The following CFP variants were observed in gnomAD, a reference collection of about 807,000 sequenced individuals.
The protein encoded by CFP is properdin.
CFP carries 14 observed loss-of-function variants against 42.1 expected under a neutral mutation model. The ratio of observed to expected loss-of-function variants is 0.33; its 90% confidence interval spans 0.22 to 0.52. CFP has a LOEUF of 0.52. CFP is among the 20% of genes least tolerant of loss of function. CFP has a pLI of 0.96. For missense variants in CFP, 318 were observed against 400.4 expected, an observed-to-expected ratio of 0.79 and a Z score of 1.76; for synonymous variants, 149 against 160.6, an observed-to-expected ratio of 0.93 and a Z score of 0.54.
At chrX:47,624,463 G>A (rs1312097831) in intron 8 of CFP, 23 bp from the exon 9 acceptor site, 1 of 1,192,930 alleles carries the variant, frequency 8.4e-7, no homozygotes, top group Non-Finnish European at 1.1e-6. Context: ...GGGTGGGGAG[G>A]AACGGAAGGG....
rs985957286 is a variant in CFP, at chrX:47,629,596, C to G, written c.155G>C (p.Ser52Thr). 1.7e-6 allele frequency: 2 copies of G among 1,168,794 alleles called. No homozygotes were observed. Among genetic ancestry groups the G allele is most frequent in the African/African-American group, 3.6e-5 (2 of 55,597 alleles). ...AGTGTTGAGACAGCAGTCTTCCACG[C>G]TGACACCACCCCCCAGGAGGCCCTT... ...KCKGLLGGGV[S>T]VEDCCLNTAF... Residue 52 changes from serine (S) to threonine (T), a missense_variant, in exon 2 of 9, where the codon AGC (serine) becomes ACC (threonine). Coordinates refer to ENST00000396992, the MANE Select transcript of CFP (RefSeq NM_001145252.3).
At chrX:47,627,064 A>G in intron 5 of CFP, 77 bp downstream of exon 5, 2 of 1,162,865 alleles carry the variant, frequency 1.7e-6, no homozygotes, top group Non-Finnish European at 2.3e-6. Context: ...TGGCCTAGGA[A>G]CTCTAGAAAT....
intron 6 of CFP, 86 bp from the exon 7 acceptor site, chrX:47,626,605 A>G: frequency 9.3e-7 from 1 of 1,072,430 alleles, no homozygotes; most frequent in Non-Finnish European, 1.3e-6. Flanking sequence ...GGTAGGAGGG[A>G]GTAGAGGTGA....
chrX:47,627,058 C>T, intron 5 of CFP, 83 bp downstream of exon 5: 1 of 1,155,754 alleles, frequency 8.7e-7, no homozygotes, highest in Middle Eastern at 2.4e-4. Context: ...GTCACATGGC[C>T]TAGGAACTCT....
upstream of CFP, chrX:47,630,144 C>G: frequency 2.8e-6 from 1 of 356,289 alleles, no homozygotes; most frequent in Non-Finnish European, 4.9e-6. Context: ...GGAAATGGAG[C>G]ATAGGAGCGT....
rs1454731911 is a variant in CFP, at chrX:47,626,824, C to T, written c.889G>A (p.Ala297Thr). 4.1e-6 allele frequency: 5 copies of T among 1,211,553 alleles called. No homozygotes were observed. In the East Asian group the frequency reaches 1.2e-4, roughly 29 times the overall value. ...ATGTGGGTCCGGGTGGCATCGCCAG[C>T]ACAGAAGGGGCCCCCATGCTGGGGC... ...PVPQHGGPFC[A>T]GDATRTHICN... The change falls in exon 6 of 9, where the codon GCT becomes ACT. Residue 297 changes from alanine to threonine, a missense_variant. Coordinates refer to ENST00000396992, the MANE Select transcript of CFP (RefSeq NM_001145252.3).
intron 4 of CFP, 53 bp downstream of exon 4, chrX:47,627,418 C>T (rs2057973775): frequency 3.3e-6 from 4 of 1,201,842 alleles, no homozygotes; most frequent in East Asian, 3.0e-5. Flanking sequence ...GCTGTAACCC[C>T]GCAGACCCAC....
upstream of CFP, chrX:47,630,190 C>A: frequency 3.4e-6 from 1 of 290,762 alleles, no homozygotes; most frequent in East Asian, 7.0e-5. Context: ...TTGGGTGAGT[C>A]ACTTAACACC....
intron 8 of CFP, chrX:47,625,502 A>C (rs1252678550): frequency 1.4e-5 from 2 of 140,484 alleles, no homozygotes; most frequent in Admixed American, 7.7e-5. Flanking sequence ...GCCTTTCCCA[A>C]CCCCTACCTG....
intron 4 of CFP, 48 bp from the exon 5 acceptor site, chrX:47,627,380 T>G: frequency 8.4e-7 from 1 of 1,187,228 alleles, no homozygotes; most frequent in Non-Finnish European, 1.1e-6. Flanking sequence ...TCATGCATGC[T>G]AAAGTCCTCT....
rs191627866 is a variant in CFP at position 47,623,799 on chromosome X, C to T, written c.*476G>A. On this transcript the variant is annotated 3_prime_UTR_variant, in exon 9 of 9. Coordinates refer to ENST00000396992, the MANE Select transcript of CFP (RefSeq NM_001145252.3). Reference sequence around the variant, plus strand: ...TCCTCGACTGACGCGGAGTCGGAGTCGGCCGGCAGAGGCTCCTCCAGGGTT... The same window carrying T: ...TCCTCGACTGACGCGGAGTCGGAGTTGGCCGGCAGAGGCTCCTCCAGGGTT... 1,164 of 127,950 alleles carry T rather than the reference C, an allele frequency of 9.1e-3. 22 individuals carry two copies. Among genetic ancestry groups the T allele is most frequent in the African/African-American group, 0.035 (1,102 of 31,317 alleles). The allele number at this position is 127,950 out of a possible 1,213,427, so 10.5% of individuals were successfully genotyped here.
At chrX:47,624,538 ACT>A in intron 8 of CFP, 98 bp from the exon 9 acceptor site, 10 of 505,369 alleles carry the variant, frequency 2.0e-5, no homozygotes, top group Non-Finnish European at 2.7e-5. Flanking sequence ...GCCGAGGGCT[ACT>A]TTTTTTTTTT....
intron 8 of CFP, 97 bp from the exon 9 acceptor site, chrX:47,624,537 TAC>T: frequency 1.9e-6 from 1 of 515,043 alleles, no homozygotes; most frequent in East Asian, 4.4e-5. Context: ...TGCCGAGGGC[TAC>T]TTTTTTTTTT....
rs749541242 is a variant in CFP at position 47,629,604 on chromosome X, AC to A, written c.146del (p.Gly49ValfsTer43). 1 of 1,058,325 alleles carries A rather than the reference AC, an allele frequency of 9.4e-7. No homozygotes were observed. Among genetic ancestry groups the A allele is most frequent in the Non-Finnish European group, 1.2e-6 (1 of 807,018 alleles). The allele number at this position is 1,058,325 out of a possible 1,213,427, so 87.2% of individuals were successfully genotyped here. On this transcript the variant is annotated frameshift_variant, in exon 2 of 9. Coordinates refer to ENST00000396992, the MANE Select transcript of CFP (RefSeq NM_001145252.3). LOFTEE classifies it high-confidence loss of function. ...SSGKCKGLLG[G>X]GVSVEDCCLN... The stretch of plus-strand genomic sequence containing the variant: ...GACAGCAGTCTTCCACGCTGACACC[AC>A]CCCCCAGGAGGCCCTTGCACTTGCC...
chrX:47,629,492 C>A, intron 2 of CFP, 32 bp downstream of exon 2: 4 of 626,907 alleles, frequency 6.4e-6, no homozygotes, highest in Non-Finnish European at 1.0e-5. Context: ...TCCTTCCCTC[C>A]CCCCCATCCC....
chrX:47,629,871 C>T lies in CFP; in HGVS notation c.-27G>A. 8.6e-7 allele frequency: 1 copy of T among 1,158,638 alleles called. No individual in the cohort carries two copies. Among genetic ancestry groups the T allele is most frequent in the Non-Finnish European group, 1.2e-6 (1 of 864,917 alleles). On this transcript the variant is annotated 5_prime_UTR_variant, in exon 1 of 9. Coordinates refer to ENST00000396992, the MANE Select transcript of CFP (RefSeq NM_001145252.3). ...TTGAGTACTGCCCCCTGCACCTCTACCAGAGAGGAGGTCCCGCTTTATCTG... is the reference window on the plus strand; with the variant it reads ...TTGAGTACTGCCCCCTGCACCTCTATCAGAGAGGAGGTCCCGCTTTATCTG...
chrX:47,625,146 T>C (rs1419320252), intron 8 of CFP: 1 of 111,386 alleles, frequency 9.0e-6, no homozygotes, highest in Admixed American at 9.5e-5. Context: ...CCTGGGTTAT[T>C]TGTCCCACTA....
At position 47,624,290 on chromosome X, in the gene CFP, C is replaced by T. The variant is rs746293085; in HGVS notation, c.1395G>A (p.Glu465=). The stretch of plus-strand genomic sequence containing the variant: ...GAGAGAAGTGTTAGAGTTCCTCTTC[C>T]TCAGGGTCTTTGCAAGCAGGCACGT... ...CLHVPACKDP[E]EEEL The change falls in exon 9 of 9, where the codon GAG becomes GAA. Residue 465 remains glutamate, a synonymous_variant. Transcript: ENST00000396992. 3 of 1,211,103 alleles carry T rather than the reference C, an allele frequency of 2.5e-6. No homozygotes were observed. In the Admixed American group the frequency reaches 6.5e-5, roughly 26 times the overall value.
At chrX:47,625,835 G>A (rs772324097) in intron 8 of CFP, 3 of 450,330 alleles carry the variant, frequency 6.7e-6, no homozygotes, top group Non-Finnish European at 1.2e-5. Context: ...AAGTGGATGA[G>A]TGACTGAACA....
Sources: gnomAD v4.1 joint callset for allele counts on GRCh38, gnomAD v4.1.1 for gene constraint, MANE v1.5 for transcripts, NCBI Gene and HGNC (gene_info 2026-07-23, HGNC 2026-07-21) for gene names.